ADAMTS18: variants seen among roughly 807,000 people sequenced by gnomAD.
The protein encoded by ADAMTS18 is A disintegrin and metalloproteinase with thrombospondin motifs 18.
Under a neutral mutation model 165.9 loss-of-function variants are expected in ADAMTS18, and 157 were observed. That is an observed-to-expected ratio of 0.95 (90% CI 0.83 to 1.08). The LOEUF is 1.08. Among genes scored for constraint, ADAMTS18 ranks in the 50% least tolerant of loss-of-function variants. The pLI is 0.00. For missense variants in ADAMTS18, 2,040 were observed against 1,534.0 expected (o/e 1.33, Z -5.51); for synonymous variants, 782 against 578.2 (o/e 1.35, Z -5.06).
chr16:77,405,756 C>T (rs1239391501), intron 3 of ADAMTS18, among the ~76,000 whole-genome samples: 1 of 152,114 alleles, frequency 6.6e-6, no homozygotes, highest in Non-Finnish European at 1.5e-5. Flanking sequence ...TACAGATGGT[C>T]ACCTTTTCAC....
chr16:77,416,112 G>A (rs1490957284), intron 3 of ADAMTS18, among the ~76,000 whole-genome samples: 1 of 152,142 alleles, frequency 6.6e-6, no homozygotes, highest in Non-Finnish European at 1.5e-5. Flanking sequence ...GTTGGGGAGT[G>A]ATGGGAGTGT....
intron 16 of ADAMTS18, among the ~76,000 whole-genome samples, chr16:77,308,064 G>A (rs191408401): frequency 1.1e-4 from 16 of 152,236 alleles, no homozygotes; most frequent in African/African-American, 2.9e-4. Context: ...TTACTATCAT[G>A]AGAAAGGCTG....
intron 12 of ADAMTS18, among the ~76,000 whole-genome samples, chr16:77,327,362 C>T (rs1425213765): frequency 6.6e-6 from 1 of 152,126 alleles, no homozygotes; most frequent in Non-Finnish European, 1.5e-5. Context: ...TTCCCAAAGT[C>T]CAATGTATCA....
intron 3 of ADAMTS18, among the ~76,000 whole-genome samples, chr16:77,404,589 T>C (rs1235449516): frequency 6.6e-6 from 1 of 152,218 alleles, no homozygotes; most frequent in Non-Finnish European, 1.5e-5. Context: ...AAATACATAG[T>C]AGATGGAGTA....
chr16:77,287,832 C>T (rs143877869), intron 22 of ADAMTS18, among the ~76,000 whole-genome samples: 68 of 152,268 alleles, frequency 4.5e-4, no homozygotes, highest in African/African-American at 1.6e-3. Context: ...CATTCCAGCA[C>T]CACAGGTAGA....
At chr16:77,417,401 T>A (rs1015618282) in intron 3 of ADAMTS18, among the ~76,000 whole-genome samples, 3 of 152,152 alleles carry the variant, frequency 2.0e-5, no homozygotes, top group African/African-American at 7.2e-5. Flanking sequence ...CAAAGTGACT[T>A]TGACTTTGCT....
intron 3 of ADAMTS18, among the ~76,000 whole-genome samples, chr16:77,406,761 C>G (rs957734850): frequency 6.6e-6 from 1 of 151,988 alleles, no homozygotes; most frequent in Non-Finnish European, 1.5e-5. Context: ...CATACACACA[C>G]AGCCATAAAA....
chr16:77,296,427 T>C (rs35559419), intron 18 of ADAMTS18, among the ~76,000 whole-genome samples: 16,399 of 152,236 alleles, frequency 0.11, 1,221 homozygotes, highest in Admixed American at 0.22. Flanking sequence ...ATTTTTAAAT[T>C]CTTGGACCAT....
At chr16:77,409,028 T>G (rs1271691211) in intron 3 of ADAMTS18, among the ~76,000 whole-genome samples, 1 of 152,114 alleles carries the variant, frequency 6.6e-6, no homozygotes, top group East Asian at 1.9e-4. Context: ...TTAAACTTTA[T>G]CATAAGTATG....
intron 3 of ADAMTS18, among the ~76,000 whole-genome samples, chr16:77,423,819 C>G (rs1355125595): frequency 6.6e-6 from 1 of 152,084 alleles, no homozygotes; most frequent in Admixed American, 6.5e-5. Flanking sequence ...AGCAGAATTG[C>G]CAGTATCAAA....
At chr16:77,321,395 G>A (rs1030490751) in intron 14 of ADAMTS18, among the ~76,000 whole-genome samples, 193 bp from the exon 15 acceptor site, 1 of 152,120 alleles carries the variant, frequency 6.6e-6, no homozygotes, top group Non-Finnish European at 1.5e-5. Flanking sequence ...AGATGACTGA[G>A]CAAGTTGTAT....
chr16:77,285,934 C>T (rs748560272), intron 22 of ADAMTS18, among the ~76,000 whole-genome samples: 4 of 152,200 alleles, frequency 2.6e-5, no homozygotes, highest in Non-Finnish European at 4.4e-5. Context: ...GCACTCCTTT[C>T]ACCTTAACTG....
Position 77,293,140 on chromosome 16 carries a change from C to T in ADAMTS18, c.3125G>A (p.Gly1042Asp). The change falls in exon 20 of 23, where the codon GGC (glycine) becomes GAC (aspartate). Residue 1042 changes from glycine (G) to aspartate (D), a missense_variant. Physicochemically the swap from Gly to Asp is moderately conservative, Grantham distance 94. Coordinates refer to ENST00000282849, the MANE Select transcript of ADAMTS18 (RefSeq NM_199355.4). ...CTTGGGGCATCGTCCAAGCACACAG[C>T]CCTCCTGCAGCTCAGGTCTGGGGAG... The part of the protein sequence containing the change: ...TSLPRPELQE[G>D]CVLGRCPKNS... 6.2e-7 allele frequency: 1 copy of T among 1,614,006 alleles called. No homozygotes were observed. Among genetic ancestry groups the T allele is most frequent in the Non-Finnish European group, 8.5e-7 (1 of 1,179,978 alleles).
At chr16:77,324,230 G>A (rs1016791356) in intron 13 of ADAMTS18, among the ~76,000 whole-genome samples, 5 of 152,164 alleles carry the variant, frequency 3.3e-5, no homozygotes, top group Non-Finnish European at 5.9e-5. Context: ...GGAAGCATGG[G>A]ACCTCAAGAG....
chr16:77,346,797 C>A (rs1302399204), intron 10 of ADAMTS18, among the ~76,000 whole-genome samples: 2 of 152,094 alleles, frequency 1.3e-5, no homozygotes. Flanking sequence ...GCCCCGATGC[C>A]ATTTTAAAAA....
chr16:77,338,486 C>CG (rs1841583268), intron 11 of ADAMTS18, among the ~76,000 whole-genome samples: 1 of 151,750 alleles, frequency 6.6e-6, no homozygotes, highest in South Asian at 2.1e-4. Context: ...ATATGCCCGC[C>CG]GAGGCCCCCC....
intron 3 of ADAMTS18, among the ~76,000 whole-genome samples, chr16:77,425,950 G>A (rs561240341): frequency 6.6e-6 from 1 of 152,214 alleles, no homozygotes; most frequent in Admixed American, 6.5e-5. Context: ...GGAGGCTGAG[G>A]CAGGAGAATT....
chr16:77,300,488 T>C (rs2055562003), intron 16 of ADAMTS18, 84 bp from the exon 17 acceptor site: 2 of 1,480,694 alleles, frequency 1.4e-6, no homozygotes, highest in Non-Finnish European at 1.9e-6. Flanking sequence ...ATTTTAAAGA[T>C]ATTTACATGA....
intron 4 of ADAMTS18, among the ~76,000 whole-genome samples, chr16:77,366,152 T>G (rs1418962642): frequency 8.0e-6 from 1 of 125,662 alleles, no homozygotes; most frequent in African/African-American, 4.0e-5. Context: ...CTCTTCTCCA[T>G]GAGAATAAAC....
Sources: allele counts gnomAD v4.1 joint callset (sites outside exome capture counted in the v4.1 genomes callset), GRCh38; gene constraint gnomAD v4.1.1; transcripts MANE v1.5; gene names NCBI Gene and HGNC (gene_info 2026-07-23, HGNC 2026-07-21).